Variants in NELL1 observed in about 807,000 individuals in gnomAD.
The protein encoded by NELL1 is neural EGFL like 1, also known as protein kinase C-binding protein NELL1.
Under a neutral mutation model 107.4 loss-of-function variants are expected in NELL1, and 76 were observed. The observed-to-expected ratio is 0.71, with a 90% CI of 0.59 to 0.86. NELL1 has a LOEUF of 0.86. Among genes scored for constraint, NELL1 ranks in the 40% least tolerant of loss-of-function variants. NELL1 has a pLI of 0.00. For synonymous variants in NELL1, 353 were observed against 341.2 expected (o/e 1.03, Z -0.38); for missense variants, 1,024 against 1,005.5 (o/e 1.02, Z -0.25).
At chr11:20,895,318 A>AAAAAAAAT in intron 5 of NELL1, among the ~76,000 whole-genome samples, 1 of 133,086 alleles carries the variant, frequency 7.5e-6, no homozygotes, top group Non-Finnish European at 1.6e-5. Flanking sequence ...AAAAAAAGAA[A>AAAAAAAAT]TTATTCCTTC....
chr11:21,546,814 G>T (rs1165824152), intron 16 of NELL1, among the ~76,000 whole-genome samples: 1 of 151,614 alleles, frequency 6.6e-6, no homozygotes, highest in African/African-American at 2.4e-5. Context: ...ATAGTTTTTT[G>T]TTCTTACCCT....
At chr11:20,988,429 GTATATATA>G (rs59442800) in intron 12 of NELL1, among the ~76,000 whole-genome samples, 1 of 125,510 alleles carries the variant, frequency 8.0e-6, no homozygotes, top group Non-Finnish European at 1.7e-5. Context: ...ACATATGTGT[GTATATATA>G]TCTATATATA....
chr11:21,286,669 G>A (rs1849125201), intron 14 of NELL1, among the ~76,000 whole-genome samples: 1 of 152,212 alleles, frequency 6.6e-6, no homozygotes, highest in Admixed American at 6.5e-5. Context: ...ATCTGTTAAA[G>A]ATGGTCATTT....
rs2133950943 is a variant in NELL1, at chr11:20,755,742, G to A, written c.185-27938G>A. Among the ~76,000 whole-genome samples the A allele has an allele frequency of 2.6e-5, 4 of 151,690 alleles. No individual in the cohort carries two copies. In the South Asian group the frequency reaches 8.3e-4, roughly 32 times the overall value. On this transcript the variant is annotated intron_variant, in intron 2 of 19. Transcript: ENST00000357134. ...GGCTAATTTTTCTATTTTTAGTAGAGATGGGGTTTCACCATGTTGGCCAGG... is the reference window on the plus strand; with the variant it reads ...GGCTAATTTTTCTATTTTTAGTAGAAATGGGGTTTCACCATGTTGGCCAGG...
At chr11:21,170,065 C>A in intron 13 of NELL1, 1 of 1,074,750 alleles carries the variant, frequency 9.3e-7, no homozygotes, top group Non-Finnish European at 1.4e-6. Context: ...CTGAACCCAG[C>A]CTCTTGGAGT....
At chr11:20,895,504 C>CTTT (rs71063675) in intron 5 of NELL1, among the ~76,000 whole-genome samples, 50,129 of 99,846 alleles carry the variant, frequency 0.5, 17,078 homozygotes, top group Non-Finnish European at 0.71. Context: ...TGATATTTGC[C>CTTT]TTTTTTTTTT....
chr11:20,827,219 G>T (rs959529979), intron 3 of NELL1, among the ~76,000 whole-genome samples: 4 of 151,232 alleles, frequency 2.6e-5, no homozygotes, highest in Non-Finnish European at 4.4e-5. Flanking sequence ...GATTGGAAGA[G>T]CCTGAGTGAC....
At chr11:21,390,553 A>G (rs1314012044) in intron 15 of NELL1, among the ~76,000 whole-genome samples, 2 of 149,522 alleles carry the variant, frequency 1.3e-5, no homozygotes, top group Non-Finnish European at 3.0e-5. Flanking sequence ...GCACGCACCC[A>G]AACACTTCCC....
At chr11:21,273,973 G>A (rs367969066) in intron 14 of NELL1, among the ~76,000 whole-genome samples, 2 of 152,134 alleles carry the variant, frequency 1.3e-5, no homozygotes, top group Non-Finnish European at 2.9e-5. Flanking sequence ...GACTATCGAG[G>A]CTAGGAAGAA....
chr11:20,903,046 A>G (rs568873652), intron 5 of NELL1, among the ~76,000 whole-genome samples: 5 of 152,014 alleles, frequency 3.3e-5, no homozygotes, highest in African/African-American at 7.2e-5. Context: ...TATATTGAGG[A>G]TATTTTATTT....
chr11:21,258,620 C>T (rs933822769), intron 14 of NELL1, among the ~76,000 whole-genome samples: 3 of 151,700 alleles, frequency 2.0e-5, no homozygotes, highest in African/African-American at 7.3e-5. Context: ...TAGATATGGC[C>T]CACCTAGGTA....
At chr11:21,085,517 A>C (rs1854369214) in intron 12 of NELL1, among the ~76,000 whole-genome samples, 2 of 151,970 alleles carry the variant, frequency 1.3e-5, no homozygotes, top group African/African-American at 4.8e-5. Flanking sequence ...ATATTTGTAG[A>C]CTCAGCTACT....
intron 13 of NELL1, among the ~76,000 whole-genome samples, chr11:21,199,633 C>G (rs1460846552): frequency 6.6e-6 from 1 of 151,938 alleles, no homozygotes; most frequent in Non-Finnish European, 1.5e-5. Flanking sequence ...CTGTGCAAAA[C>G]TTGAAAACCA....
chr11:21,326,063 TTTTTTTTTTTTTTTTTTTG>T (rs1440727178), intron 14 of NELL1, among the ~76,000 whole-genome samples: 4 of 92,386 alleles, frequency 4.3e-5, no homozygotes, highest in South Asian at 4.3e-4. Context: ...TTTTTTTTTT[TTTTTTTTTTTTTTTTTTTG>T]GGCTATTTTG....
chr11:21,126,862 C>T (rs1855497488), intron 13 of NELL1, among the ~76,000 whole-genome samples: 1 of 152,162 alleles, frequency 6.6e-6, no homozygotes, highest in African/African-American at 2.4e-5. Flanking sequence ...GACTTCAAAA[C>T]AGAGTTTATA....
chr11:21,443,196 C>A (rs143697962), intron 15 of NELL1, among the ~76,000 whole-genome samples: 1 of 152,114 alleles, frequency 6.6e-6, no homozygotes, highest in Non-Finnish European at 1.5e-5. Flanking sequence ...AAAAGTTAGA[C>A]CAAACTCATC....
intron 5 of NELL1, among the ~76,000 whole-genome samples, chr11:20,887,040 G>A (rs769684013): frequency 4.6e-5 from 7 of 151,950 alleles, no homozygotes; most frequent in Non-Finnish European, 8.8e-5. Flanking sequence ...GCAACCACTG[G>A]TCTGTTTTCT....
chr11:21,064,639 C>T (rs1010308074), intron 12 of NELL1, among the ~76,000 whole-genome samples: 2 of 151,944 alleles, frequency 1.3e-5, no homozygotes, highest in Non-Finnish European at 2.9e-5. Flanking sequence ...ATAAAAGTCA[C>T]TCTGGAGGTT....
intron 14 of NELL1, among the ~76,000 whole-genome samples, chr11:21,292,682 C>T (rs1368450479): frequency 6.6e-6 from 1 of 152,172 alleles, no homozygotes; most frequent in Non-Finnish European, 1.5e-5. Flanking sequence ...TCAAACTATA[C>T]TGCAAGCCTA....
Sources: gnomAD v4.1 joint callset for allele counts (sites outside exome capture counted in the v4.1 genomes callset) on GRCh38, gnomAD v4.1.1 for gene constraint, MANE v1.5 for transcripts, NCBI Gene and HGNC (gene_info 2026-07-23, HGNC 2026-07-21) for gene names.